The following CACNG5 variants were observed in gnomAD, a reference collection of about 807,000 sequenced individuals.
The protein encoded by CACNG5 is calcium voltage-gated channel auxiliary subunit gamma 5.
In CACNG5, 18 loss-of-function variants were observed where a neutral mutation model predicts 24.8. That is an observed-to-expected ratio of 0.73 (90% CI 0.50 to 1.08). The LOEUF (loss-of-function observed/expected upper bound fraction) is 1.08, where lower values mean the gene tolerates loss of function less well. CACNG5 is among the 50% of genes least tolerant of loss of function. The probability of loss-of-function intolerance (pLI) is 0.00; values close to 1 mark genes in which losing one functional copy is unlikely to be tolerated. For synonymous variants in CACNG5, 157 were observed against 149.1 expected, an observed-to-expected ratio of 1.05 and a Z score of -0.39; for missense variants, 349 against 367.9, an observed-to-expected ratio of 0.95 and a Z score of 0.42.
rs1977315044 is a variant in CACNG5 at position 66,889,735 on chromosome 17, G to A, written c.*4495G>A. Among the ~76,000 whole-genome samples, 1 of 152,170 alleles carries A rather than the reference G, an allele frequency of 6.6e-6. No individual in the cohort carries two copies. Among genetic ancestry groups the A allele is most frequent in the African/African-American group, 2.4e-5 (1 of 41,434 alleles). ...CCTTTGTTCTATTCAGGCTTTCAGT[G>A]CAGTGGTTGAGGCCCACCGACGTTA... On this transcript the variant is annotated 3_prime_UTR_variant, in exon 6 of 6. Coordinates refer to ENST00000533854, the MANE Select transcript of CACNG5 (RefSeq NM_145811.3).
intron 1 of CACNG5, among the ~76,000 whole-genome samples, chr17:66,859,200 G>A (rs974577355): frequency 2.0e-5 from 3 of 152,204 alleles, no homozygotes; most frequent in Admixed American, 6.5e-5. Flanking sequence ...CTCTCCTTCT[G>A]CATCTAGTTC....
At chr17:66,844,000 TG>T (rs1189906470) in intron 1 of CACNG5, among the ~76,000 whole-genome samples, 2 of 152,052 alleles carry the variant, frequency 1.3e-5, no homozygotes, top group Non-Finnish European at 2.9e-5. Context: ...CCATACTCTC[TG>T]GGGTCTGGAG....
chr17:66,836,769 CG>C (rs1366285654), intron 1 of CACNG5, among the ~76,000 whole-genome samples: 2 of 152,196 alleles, frequency 1.3e-5, no homozygotes, highest in African/African-American at 2.4e-5. Flanking sequence ...TCCAGTTCAA[CG>C]GAAGATAGAG....
In CACNG5 at chr17:66,884,680, A is replaced by T. The variant is rs765940139; in HGVS notation, c.570+19A>T. The T allele has an allele frequency of 6.2e-7, 1 of 1,614,200 alleles. No homozygotes were observed. Among genetic ancestry groups the T allele is most frequent in the South Asian group, 1.1e-5 (1 of 91,078 alleles). ...AACGGAGGTAAAGCCCGTCACCCTAAGTATGGATAGGCTGGGCCTGGGCAC... is the reference window on the plus strand; with the variant it reads ...AACGGAGGTAAAGCCCGTCACCCTATGTATGGATAGGCTGGGCCTGGGCAC... On this transcript the variant is annotated intron_variant, in intron 5 of 5. Coordinates refer to ENST00000533854, the MANE Select transcript of CACNG5 (RefSeq NM_145811.3).
intron 1 of CACNG5, among the ~76,000 whole-genome samples, chr17:66,845,160 G>GA (rs1256064737): frequency 6.6e-5 from 10 of 152,150 alleles, no homozygotes; most frequent in Non-Finnish European, 1.5e-4. Flanking sequence ...GATGAAGCTG[G>GA]AAAACATCAT....
chr17:66,889,161 A>T lies in CACNG5; in HGVS notation c.*3921A>T, dbSNP rs1977306179. Among the ~76,000 whole-genome samples, 1 of 152,172 alleles carries T rather than the reference A, an allele frequency of 6.6e-6. No individual in the cohort carries two copies. Among genetic ancestry groups the T allele is most frequent in the Non-Finnish European group, 1.5e-5 (1 of 68,040 alleles). On this transcript the variant is annotated 3_prime_UTR_variant, in exon 6 of 6. Coordinates refer to ENST00000533854, the MANE Select transcript of CACNG5 (RefSeq NM_145811.3). ...TTTTTAGTAGAGATGGGGTTTCCCCATGTTGGCCACGTTGGTCTTGAACTC... is the reference window on the plus strand; with the variant it reads ...TTTTTAGTAGAGATGGGGTTTCCCCTTGTTGGCCACGTTGGTCTTGAACTC...
At chr17:66,861,025 GCACACACACA>G (rs140020871) in intron 1 of CACNG5, among the ~76,000 whole-genome samples, 2 of 150,216 alleles carry the variant, frequency 1.3e-5, no homozygotes, top group African/African-American at 4.9e-5. Context: ...GCACATGCAC[GCACACACACA>G]CACACACACA....
chr17:66,861,282 G>T (rs772181639), intron 1 of CACNG5, among the ~76,000 whole-genome samples: 62 of 152,176 alleles, frequency 4.1e-4, no homozygotes, highest in Non-Finnish European at 8.2e-4. Flanking sequence ...TAATTAAAAG[G>T]TTAATGTAAC....
At chr17:66,845,951 C>T (rs1182611437) in intron 1 of CACNG5, among the ~76,000 whole-genome samples, 1 of 152,190 alleles carries the variant, frequency 6.6e-6, no homozygotes, top group Admixed American at 6.5e-5. Context: ...TGACCTCCTG[C>T]CTCTTGGGGC....
intron 3 of CACNG5, among the ~76,000 whole-genome samples, chr17:66,880,085 A>G (rs1977135960): frequency 6.6e-6 from 1 of 152,234 alleles, no homozygotes; most frequent in African/African-American, 2.4e-5. Flanking sequence ...TAGCCCCAAC[A>G]GAATTGCTCC....
chr17:66,844,164 T>C (rs1437146641), intron 1 of CACNG5, among the ~76,000 whole-genome samples: 3 of 152,226 alleles, frequency 2.0e-5, no homozygotes, highest in Admixed American at 6.5e-5. Context: ...TCAAAGTCTT[T>C]ATAAGCATCC....
intron 4 of CACNG5, among the ~76,000 whole-genome samples, chr17:66,882,008 T>C (rs573379487): frequency 1.4e-3 from 211 of 152,014 alleles, no homozygotes; most frequent in Admixed American, 2.2e-3. Flanking sequence ...GATGACACGA[T>C]TGGGTTTGGA....
intron 1 of CACNG5, among the ~76,000 whole-genome samples, chr17:66,837,741 G>A (rs767100771): frequency 1.3e-5 from 2 of 152,204 alleles, no homozygotes; most frequent in Non-Finnish European, 2.9e-5. Flanking sequence ...AGAGAAGGCA[G>A]AACAGAGAGG....
Position 66,889,679 on chromosome 17 carries a change from G to T in CACNG5, c.*4439G>T, listed in dbSNP as rs1977314173. Among the ~76,000 whole-genome samples the T allele has an allele frequency of 6.6e-6, 1 of 152,188 alleles. No homozygotes were observed. The highest frequency in any genetic ancestry group is 2.4e-5 in the African/African-American group (1 of 41,440). On this transcript the variant is annotated 3_prime_UTR_variant, in exon 6 of 6. Transcript: ENST00000533854. ...TCAAGTCCAAACTTGCAGTCTCCTG[G>T]CAGAAATCCTGGCTGCTCAGGGGAG... is the stretch of plus-strand genomic sequence containing the variant.
intron 1 of CACNG5, among the ~76,000 whole-genome samples, chr17:66,841,700 C>G (rs1976571057): frequency 6.6e-6 from 1 of 152,186 alleles, no homozygotes; most frequent in African/African-American, 2.4e-5. Context: ...CCCAGTGACT[C>G]AGTGCGTGAG....
intron 1 of CACNG5, among the ~76,000 whole-genome samples, chr17:66,847,318 C>T (rs1976650062): frequency 1.3e-5 from 2 of 152,158 alleles, no homozygotes; most frequent in African/African-American, 4.8e-5. Flanking sequence ...TTTCATACTG[C>T]TGTGAAGAAA....
chr17:66,840,939 T>G (rs1055129473), intron 1 of CACNG5, among the ~76,000 whole-genome samples: 29 of 152,128 alleles, frequency 1.9e-4, no homozygotes, highest in Non-Finnish European at 1.3e-4. Context: ...TGGCTTCTGA[T>G]GATGATGGGA....
At chr17:66,882,819 A>G (rs1206471059) in intron 4 of CACNG5, among the ~76,000 whole-genome samples, 2 of 152,204 alleles carry the variant, frequency 1.3e-5, no homozygotes, top group Non-Finnish European at 2.9e-5. Flanking sequence ...CATTCTGATT[A>G]CCACCTGACT....
rs1248077407 is a variant in CACNG5, at chr17:66,890,316, G to C, written c.*5076G>C. Reference sequence around the variant, plus strand: ...GGTGGAGGGTGGTACGCTGGAGCCAGTCAGAGCCCTCACCAGGGCTGCTTT... The same window carrying C: ...GGTGGAGGGTGGTACGCTGGAGCCACTCAGAGCCCTCACCAGGGCTGCTTT... On this transcript the variant is annotated 3_prime_UTR_variant, in exon 6 of 6. Transcript: ENST00000533854. 6.6e-6 allele frequency among the ~76,000 whole-genome samples: 1 copy of C among 152,180 alleles called. No individual in the cohort carries two copies. The highest frequency in any genetic ancestry group is 1.5e-5 in the Non-Finnish European group (1 of 68,024).
Sources: allele counts gnomAD v4.1 joint callset (sites outside exome capture counted in the v4.1 genomes callset), GRCh38; gene constraint gnomAD v4.1.1; transcripts MANE v1.5; gene names NCBI Gene and HGNC (gene_info 2026-07-23, HGNC 2026-07-21).